Variants in C1orf167 observed in about 807,000 individuals in gnomAD.
C1orf167 encodes uncharacterized protein C1orf167.
In C1orf167, 153 loss-of-function variants were observed where a neutral mutation model predicts 176.5. The ratio of observed to expected loss-of-function variants is 0.87; its 90% CI spans 0.76 to 0.99. The LOEUF (loss-of-function observed/expected upper bound fraction) is 0.99. Among genes scored for constraint, C1orf167 ranks in the 50% least tolerant of loss-of-function variants. The pLI, the probability that C1orf167 is intolerant of heterozygous loss-of-function variation, is 0.00. For synonymous variants in C1orf167, 594 were observed against 752.7 expected, an observed-to-expected ratio of 0.79 and a Z score of 3.45; for missense variants, 1,490 against 1,817.7, an observed-to-expected ratio of 0.82 and a Z score of 3.28.
Position 11,787,968 on chromosome 1 carries a change from G to A in C1orf167, c.3769G>A (p.Asp1257Asn), listed in dbSNP as rs1376818698. 7.7e-7 allele frequency: 1 copy of A among 1,304,270 alleles called. No homozygotes were observed. Among genetic ancestry groups the A allele is most frequent in the Non-Finnish European group, 1.0e-6 (1 of 988,940 alleles). 80.8% of individuals were successfully genotyped at this position (1,304,270 alleles called of 1,614,324 possible). Reference protein sequence around the residue: ...WVPGLPLWTRDQGPRAHSSPE... With the variant: ...WVPGLPLWTRNQGPRAHSSPE... ...CCCAGGCCTGCCCCTGTGGACGAGG[G>A]ACCAGGGACCAAGAGCGCACTCCAG... Residue 1257 changes from aspartate (D) to asparagine (N), a missense_variant, in exon 18 of 21, where the codon GAC becomes AAC. Physicochemically the swap from Asp to Asn is conservative, Grantham distance 23. Coordinates refer to ENST00000688073, the MANE Select transcript of C1orf167 (RefSeq NM_001010881.2).
In C1orf167 at chr1:11,772,228, A is replaced by C. The variant is rs757864881; in HGVS notation, c.1957A>C (p.Ser653Arg). ...AAGVAWVAPL[S>R]PQHQRAWLCR... The stretch of plus-strand genomic sequence containing the variant: ...AGGTGTAGCCTGGGTGGCCCCACTG[A>C]GCCCCCAGCACCAGAGAGCTTGGCT... The change falls in exon 8 of 21, where the codon AGC becomes CGC. Residue 653 changes from serine to arginine, a missense_variant. By Grantham distance (110) the Ser-to-Arg change is moderately radical. Transcript: ENST00000688073. 2.9e-5 allele frequency: 38 copies of C among 1,303,928 alleles called. No individual in the cohort carries two copies. Among genetic ancestry groups the C allele is most frequent in the Non-Finnish European group, 3.7e-5 (37 of 988,876 alleles). 80.8% of individuals were successfully genotyped at this position (1,303,928 alleles called of 1,614,324 possible).
chr1:11,786,087 G>C (rs993035298), intron 16 of C1orf167: 6 of 151,756 alleles, frequency 4.0e-5, no homozygotes, highest in African/African-American at 1.5e-4. Flanking sequence ...AGAAACCTCA[G>C]AAAATATAAA....
intron 2 of C1orf167, 146 bp from the exon 3 acceptor site, chr1:11,765,711 G>A (rs1376452386): frequency 1.3e-6 from 1 of 759,888 alleles, no homozygotes; most frequent in Admixed American, 4.8e-5. Flanking sequence ...CACCCAGGGA[G>A]ACAGAGCTGG....
At position 11,772,220 on chromosome 1, in the gene C1orf167, C is replaced by T. The variant is rs1385643659; in HGVS notation, c.1949C>T (p.Ala650Val). 1 of 1,304,140 alleles carries T rather than the reference C, an allele frequency of 7.7e-7. No individual in the cohort carries two copies. The highest frequency in any genetic ancestry group is 2.3e-5 in the Admixed American group (1 of 43,552). 80.8% of individuals were successfully genotyped at this position (1,304,140 alleles called of 1,614,324 possible). A position where few individuals can be genotyped will look rare whatever the true frequency, so the allele number is the denominator to read the frequency against. ...ACTGCTGCAGGTGTAGCCTGGGTGG[C>T]CCCACTGAGCCCCCAGCACCAGAGA... ...HSTAAGVAWV[A>V]PLSPQHQRAW... is the part of the protein sequence containing the mutation. The change falls in exon 8 of 21, where the codon GCC becomes GTC. Residue 650 changes from alanine (A) to valine (V), a missense_variant. Coordinates refer to ENST00000688073, the MANE Select transcript of C1orf167 (RefSeq NM_001010881.2).
At chr1:11,786,520 C>T (rs1350093066) in intron 16 of C1orf167, 3 of 152,084 alleles carry the variant, frequency 2.0e-5, no homozygotes, top group Non-Finnish European at 2.9e-5. Flanking sequence ...ACTGCAGCCT[C>T]AACCTCCAGG....
chr1:11,770,829 G>C lies in C1orf167; in HGVS notation c.1698-695G>C, dbSNP rs575787717. Among the ~76,000 whole-genome samples, 578 of 147,050 alleles carry C rather than the reference G, an allele frequency of 3.9e-3. 2 individuals carry two copies. The highest frequency in any genetic ancestry group is 0.014 in the African/African-American group (557 of 39,694). ...TTGGGTATTTTTTTTTTTTTAAACA[G>C]AGCCTTGCTCTGTCACCCAGGCTGG... On this transcript the variant is annotated intron_variant, in intron 6 of 20. Coordinates refer to ENST00000688073, the MANE Select transcript of C1orf167 (RefSeq NM_001010881.2).
intron 8 of C1orf167, among the ~76,000 whole-genome samples, chr1:11,773,102 T>C (rs11805138): frequency 0.67 from 101,691 of 150,728 alleles, 35,093 homozygotes; most frequent in East Asian, 0.88. Flanking sequence ...GGTTTCACCA[T>C]ATTGGTCAGG....
chr1:11,779,577 G>T (rs950791302), intron 12 of C1orf167: 4 of 315,410 alleles, frequency 1.3e-5, no homozygotes, highest in Non-Finnish European at 2.6e-5. Context: ...GGACTTGGCA[G>T]TGGGGGTCTA....
rs1167184305 is a variant in C1orf167 at position 11,766,701 on chromosome 1, T to G, written c.915T>G (p.Thr305=). 7.8e-7 allele frequency: 1 copy of G among 1,289,664 alleles called. No homozygotes were observed. The highest frequency in any genetic ancestry group is 5.6e-5 in the East Asian group (1 of 17,990). 79.9% of individuals were successfully genotyped at this position (1,289,664 alleles called of 1,614,324 possible). ...RRRRLRGHRE[T]AAFLETPASL... ...GACGCCTTCGAGGCCACAGGGAAAC[T>G]GCGGCTTTCTTGGAGACCCCGGCTA... Residue 305 remains threonine, a synonymous_variant, in exon 3 of 21, where the codon ACT becomes ACG. Coordinates refer to ENST00000688073, the MANE Select transcript of C1orf167 (RefSeq NM_001010881.2). The surrounding 1 kb of genome is among the most constrained non-coding windows in gnomAD (Gnocchi z 4.5).
At chr1:11,788,564 C>T in intron 19 of C1orf167, 88 bp from the exon 20 acceptor site, 1 of 1,177,406 alleles carries the variant, frequency 8.5e-7, no homozygotes, top group African/African-American at 1.6e-5. Context: ...CACTCTGGTG[C>T]AGCAGTGTCG....
At chr1:11,782,164 C>T (rs970897431) in intron 13 of C1orf167, 25 bp from the exon 14 acceptor site, 2 of 1,249,436 alleles carry the variant, frequency 1.6e-6, no homozygotes, top group East Asian at 1.2e-4. Context: ...CACCCAGTGG[C>T]TCTTCAGCAT....
In C1orf167 at chr1:11,782,296, T is replaced by A. The variant is rs1051712064; in HGVS notation, c.2968T>A (p.Cys990Ser). Residue 990 changes from cysteine to serine, a missense_variant, in exon 14 of 21, where the codon TGC becomes AGC. Cys to Ser is a moderately radical substitution (Grantham distance 112, BLOSUM62 -1). Transcript: ENST00000688073. ...GCAGCAGGCAGCAGCTCATCAGAGA[T>A]GCACAGTGACCCGGCCAGAGCAGCT... ...SWQQAAAHQR[C>S]TVTRPEQLLL... 7.7e-7 allele frequency: 1 copy of A among 1,293,392 alleles called. No homozygotes were observed. Among genetic ancestry groups the A allele is most frequent in the East Asian group, 5.9e-5 (1 of 17,006 alleles). The allele number at this position is 1,293,392 out of a possible 1,614,324, so 80.1% of individuals were successfully genotyped here. A position where few individuals can be genotyped will look rare whatever the true frequency, so the allele number is the denominator to read the frequency against.
Position 11,778,942 on chromosome 1 carries a change from C to G in C1orf167, c.2513C>G (p.Thr838Ser). 14 of 1,303,552 alleles carry G rather than the reference C, an allele frequency of 1.1e-5. No individual in the cohort carries two copies. The highest frequency in any genetic ancestry group is 1.4e-5 in the Non-Finnish European group (14 of 988,462). The allele number at this position is 1,303,552 out of a possible 1,614,324, so 80.7% of individuals were successfully genotyped here. A position where few individuals can be genotyped will look rare whatever the true frequency, so the allele number is the denominator to read the frequency against. ...CTTCCCCAGGTTCCCAGGGCCCCCACCCTCCCGGACACTCTCCAGGGGAGC... is the reference window on the plus strand; with the variant it reads ...CTTCCCCAGGTTCCCAGGGCCCCCAGCCTCCCGGACACTCTCCAGGGGAGC... ...DSLEKVPRAP[T>S]LPDTLQGSLL... The change falls in exon 12 of 21, where the codon ACC becomes AGC. Residue 838 changes from threonine (T) to serine (S), a missense_variant. Transcript: ENST00000688073.
chr1:11,787,802 T>C (rs906727494), intron 17 of C1orf167, 71 bp from the exon 18 acceptor site: 45 of 1,185,180 alleles, frequency 3.8e-5, no homozygotes, highest in Non-Finnish European at 4.6e-5. Flanking sequence ...ACTCAACTCC[T>C]AGGCGGGCAC....
rs1413569283 is a variant in C1orf167 at position 11,784,186 on chromosome 1, C to T, written c.3018C>T (p.Ala1006=). Reference sequence around the variant, plus strand: ...GTCTGTTTTGCAGCTACTTCCAGGCCTGGTGTGAGGTTGTAAGAGACACGG... The same window carrying T: ...GTCTGTTTTGCAGCTACTTCCAGGCTTGGTGTGAGGTTGTAAGAGACACGG... ...EQLLLQSYFQ[A]WCEVVRDTGV... The change falls in exon 15 of 21, where the codon GCC becomes GCT. Residue 1006 remains alanine (A), a synonymous_variant. Transcript: ENST00000688073. 4.1e-6 allele frequency: 5 copies of T among 1,234,162 alleles called. No homozygotes were observed. Among genetic ancestry groups the T allele is most frequent in the Non-Finnish European group, 5.2e-6 (5 of 953,710 alleles). 76.5% of individuals were successfully genotyped at this position (1,234,162 alleles called of 1,614,324 possible). A position where few individuals can be genotyped will look rare whatever the true frequency, so the allele number is the denominator to read the frequency against.
chr1:11,788,586 C>A, intron 19 of C1orf167, 66 bp from the exon 20 acceptor site: 1 of 1,247,228 alleles, frequency 8.0e-7, no homozygotes, highest in Non-Finnish European at 1.1e-6. Flanking sequence ...GGGAGAAAGG[C>A]AGAAGGGCTG....
intron 18 of C1orf167, 44 bp from the exon 19 acceptor site, chr1:11,788,105 G>A: frequency 7.8e-7 from 1 of 1,277,358 alleles, no homozygotes; most frequent in Non-Finnish European, 1.0e-6. Context: ...AAGGGCTGAG[G>A]GGCTTGCCTG....
At chr1:11,763,854 A>C (rs1398398956) in intron 1 of C1orf167, among the ~76,000 whole-genome samples, 1 of 152,214 alleles carries the variant, frequency 6.6e-6, no homozygotes, top group Non-Finnish European at 1.5e-5. Context: ...AGAGCCTGTC[A>C]GAGCAGCCAC....
rs547310548 is a variant in C1orf167, at chr1:11,778,949, G to A, written c.2520G>A (p.Pro840=). 168 of 1,303,696 alleles carry A rather than the reference G, an allele frequency of 1.3e-4. No individual in the cohort carries two copies. In the African/African-American group the frequency reaches 1.5e-3, roughly 12 times the overall value. 80.8% of individuals were successfully genotyped at this position (1,303,696 alleles called of 1,614,324 possible). The change falls in exon 12 of 21, where the codon CCG becomes CCA. Residue 840 remains proline (P), a synonymous_variant. Coordinates refer to ENST00000688073, the MANE Select transcript of C1orf167 (RefSeq NM_001010881.2). ...AGGTTCCCAGGGCCCCCACCCTCCC[G>A]GACACTCTCCAGGGGAGCCTTCTGT... ...LEKVPRAPTL[P]DTLQGSLLWA... is the part of the protein sequence containing the mutation.
Sources: allele counts gnomAD v4.1 joint callset (sites outside exome capture counted in the v4.1 genomes callset), GRCh38; gene constraint gnomAD v4.1.1; non-coding constraint Gnocchi (gnomAD v3.1); transcripts MANE v1.5; gene names NCBI Gene and HGNC (gene_info 2026-07-23, HGNC 2026-07-21).